ARSJ: variants seen among roughly 807,000 people sequenced by gnomAD.
ARSJ encodes the protein arylsulfatase J.
A neutral mutation model predicts 35.9 loss-of-function variants in ARSJ; 26 were observed. The observed-to-expected ratio is 0.72, with a 90% confidence interval of 0.53 to 1.00. The LOEUF (loss-of-function observed/expected upper bound fraction) is 1.00, where lower values mean the gene tolerates loss of function less well. Among genes scored for constraint, ARSJ ranks in the 50% least tolerant of loss-of-function variants. The pLI is 0.00. For missense variants in ARSJ, 667 were observed against 723.6 expected, an observed-to-expected ratio of 0.92 and a Z score of 0.90; for synonymous variants, 294 against 267.6, an observed-to-expected ratio of 1.10 and a Z score of -0.96.
chr4:113,903,857 T>G (rs1291244187), intron 1 of ARSJ, among the ~76,000 whole-genome samples, 182 bp from the exon 2 acceptor site: 1 of 152,236 alleles, frequency 6.6e-6, no homozygotes, highest in Non-Finnish European at 1.5e-5. Context: ...TCTAATTAAC[T>G]TCCTATTTAA....
At chr4:113,962,269 G>A (rs1158640548) in intron 1 of ARSJ, among the ~76,000 whole-genome samples, 1 of 151,754 alleles carries the variant, frequency 6.6e-6, no homozygotes, top group African/African-American at 2.4e-5. Context: ...GTGAGTGGCT[G>A]AGCCAGAACT....
intron 1 of ARSJ, among the ~76,000 whole-genome samples, chr4:113,920,941 G>A (rs141931214): frequency 5.9e-5 from 9 of 152,022 alleles, no homozygotes; most frequent in Non-Finnish European, 1.3e-4. Context: ...GAGCAATGGC[G>A]CTAATAATAA....
rs1727762396 is a variant in ARSJ, at chr4:113,978,877, C to T, written c.-43G>A. 1.3e-6 allele frequency: 2 copies of T among 1,539,244 alleles called. No homozygotes were observed. Among genetic ancestry groups the T allele is most frequent in the Non-Finnish European group, 8.7e-7 (1 of 1,147,346 alleles). On this transcript the variant is annotated 5_prime_UTR_variant, in exon 1 of 2. Transcript: ENST00000315366. ...GAGACTCCACGCGGAGAACCACGCG[C>T]CCCGCGCCGCTGCGGGCGCACACAT...
intron 1 of ARSJ, among the ~76,000 whole-genome samples, chr4:113,958,441 A>G (rs930300653): frequency 3.3e-5 from 5 of 152,060 alleles, no homozygotes; most frequent in African/African-American, 1.2e-4. Flanking sequence ...ATGTTCACCT[A>G]TTTGTAGAAA....
chr4:113,920,322 C>T (rs1723589401), intron 1 of ARSJ, among the ~76,000 whole-genome samples: 2 of 152,148 alleles, frequency 1.3e-5, no homozygotes, highest in African/African-American at 4.8e-5. Flanking sequence ...ACCACACATT[C>T]ATAAAACACA....
At chr4:113,942,776 TACC>T (rs1725236682) in intron 1 of ARSJ, among the ~76,000 whole-genome samples, 1 of 152,126 alleles carries the variant, frequency 6.6e-6, no homozygotes, top group Non-Finnish European at 1.5e-5. Context: ...GAAGAAAATT[TACC>T]ACGTTTCTTT....
In ARSJ at chr4:113,922,898, T is replaced by C. The variant is rs187847033; in HGVS notation, c.399-19223A>G. On this transcript the variant is annotated intron_variant, in intron 1 of 1. Transcript: ENST00000315366. Reference sequence around the variant, plus strand: ...GCTAGGATATGGTAACCAGATAGTATTCTAGATGTTTCTGTGGAAGTATTT... The same window carrying C: ...GCTAGGATATGGTAACCAGATAGTACTCTAGATGTTTCTGTGGAAGTATTT... 5.9e-5 allele frequency among the ~76,000 whole-genome samples: 9 copies of C among 152,302 alleles called. No homozygotes were observed. In the East Asian group the frequency reaches 1.7e-3, roughly 29 times the overall value.
intron 1 of ARSJ, among the ~76,000 whole-genome samples, chr4:113,924,461 A>G (rs1723928061): frequency 1.3e-5 from 2 of 152,046 alleles, no homozygotes; most frequent in African/African-American, 4.8e-5. Context: ...AATACTTTGT[A>G]TCCTTCAATC....
At chr4:113,934,566 C>T (rs1724655009) in intron 1 of ARSJ, among the ~76,000 whole-genome samples, 1 of 151,488 alleles carries the variant, frequency 6.6e-6, no homozygotes, top group African/African-American at 2.4e-5. Flanking sequence ...GATTGGTGAC[C>T]ACAAGTAAGA....
chr4:113,972,403 A>G (rs1727327319), intron 1 of ARSJ, among the ~76,000 whole-genome samples: 1 of 151,564 alleles, frequency 6.6e-6, no homozygotes, highest in Non-Finnish European at 1.5e-5. Flanking sequence ...TTCAGATTCT[A>G]ATATCTATAT....
chr4:113,914,487 A>AG (rs1159301065), intron 1 of ARSJ, among the ~76,000 whole-genome samples: 1 of 151,982 alleles, frequency 6.6e-6, no homozygotes, highest in Admixed American at 6.6e-5. Flanking sequence ...AACAAAAAAA[A>AG]TGGTAATGTT....
At chr4:113,971,441 G>C (rs1464385878) in intron 1 of ARSJ, among the ~76,000 whole-genome samples, 1 of 152,110 alleles carries the variant, frequency 6.6e-6, no homozygotes, top group Non-Finnish European at 1.5e-5. Context: ...TTTTTTTAAA[G>C]ACTCTTTAAA....
At chr4:113,973,623 C>T (rs551887706) in intron 1 of ARSJ, among the ~76,000 whole-genome samples, 2 of 152,090 alleles carry the variant, frequency 1.3e-5, no homozygotes, top group Non-Finnish European at 2.9e-5. Context: ...ATTTCTTTAC[C>T]CAATTCACTT....
At chr4:113,913,997 GGA>G (rs1046662176) in intron 1 of ARSJ, among the ~76,000 whole-genome samples, 35 of 152,006 alleles carry the variant, frequency 2.3e-4, no homozygotes, top group African/African-American at 7.5e-4. Flanking sequence ...TTTTTGAGAT[GGA>G]GTCTCACTGT....
At chr4:113,933,156 C>G (rs2374196) in intron 1 of ARSJ, among the ~76,000 whole-genome samples, 1 of 151,532 alleles carries the variant, frequency 6.6e-6, no homozygotes, top group African/African-American at 2.4e-5. Context: ...AAAATAGAAC[C>G]ATGAAGAAAC....
At chr4:113,909,324 C>T (rs567378232) in intron 1 of ARSJ, among the ~76,000 whole-genome samples, 31 of 152,030 alleles carry the variant, frequency 2.0e-4, no homozygotes, top group African/African-American at 7.5e-4. Context: ...AATAAACAAA[C>T]AAAAAAATAG....
At chr4:113,909,390 G>C (rs1405537193) in intron 1 of ARSJ, among the ~76,000 whole-genome samples, 1 of 152,098 alleles carries the variant, frequency 6.6e-6, no homozygotes, top group Non-Finnish European at 1.5e-5. Context: ...TCCTGAATTG[G>C]AAACGAAGTG....
intron 1 of ARSJ, among the ~76,000 whole-genome samples, chr4:113,962,288 G>C (rs1726597011): frequency 6.6e-6 from 1 of 151,628 alleles, no homozygotes; most frequent in Non-Finnish European, 1.5e-5. Context: ...CTCAGATGCA[G>C]ACCTTCTGAC....
intron 1 of ARSJ, among the ~76,000 whole-genome samples, chr4:113,926,605 C>T (rs1039028023): frequency 6.6e-6 from 1 of 152,100 alleles, no homozygotes; most frequent in Non-Finnish European, 1.5e-5. Context: ...GGTATTTGAG[C>T]CACTTCCTCA....
Sources: gnomAD v4.1 joint callset for allele counts (sites outside exome capture counted in the v4.1 genomes callset) on GRCh38, gnomAD v4.1.1 for gene constraint, MANE v1.5 for transcripts, NCBI Gene and HGNC (gene_info 2026-07-23, HGNC 2026-07-21) for gene names.